CNOT1: variants seen among roughly 807,000 people sequenced by gnomAD.
The protein encoded by CNOT1 is CCR4-NOT transcription complex subunit 1.
A neutral mutation model predicts 273.8 loss-of-function variants in CNOT1; 15 were observed. The observed-to-expected ratio is 0.05, with a 90% CI of 0.04 to 0.08. CNOT1 has a LOEUF of 0.08. Among genes scored for constraint, CNOT1 ranks in the 10% least tolerant of loss-of-function variants. The pLI, the probability that CNOT1 is intolerant of heterozygous loss-of-function variation, is 1.00. For missense variants in CNOT1, 1,644 were observed against 2,912.2 expected (o/e 0.56, Z 10.02); for synonymous variants, 1,022 against 1,005.5 (o/e 1.02, Z -0.31).
In CNOT1 at chr16:58,521,474, C is replaced by G. The variant is rs193294741; in HGVS notation, c.6918-157G>C. ...AGGTGGATTAATATACTCCAAATAGCACAGGTTGGAATACCTGGGTTTGAA... is the reference window on the plus strand; with the variant it reads ...AGGTGGATTAATATACTCCAAATAGGACAGGTTGGAATACCTGGGTTTGAA... On this transcript the variant is annotated intron_variant, in intron 47 of 48. Transcript: ENST00000317147. Among the ~76,000 whole-genome samples, 5 of 152,262 alleles carry G rather than the reference C, an allele frequency of 3.3e-5. No homozygotes were observed. In the East Asian group the frequency reaches 7.7e-4, roughly 23 times the overall value.
intron 1 of CNOT1, among the ~76,000 whole-genome samples, chr16:58,622,231 G>A (rs942642632): frequency 1.4e-5 from 2 of 147,800 alleles, no homozygotes; most frequent in South Asian, 4.4e-4. Context: ...GGAGAATGGC[G>A]TGAACCCGGG....
chr16:58,587,769 G>C lies in CNOT1; in HGVS notation c.309+11C>G. 6.2e-7 allele frequency: 1 copy of C among 1,612,748 alleles called. No homozygotes were observed. Among genetic ancestry groups the C allele is most frequent in the East Asian group, 2.2e-5 (1 of 44,850 alleles). On this transcript the variant is annotated intron_variant, in intron 4 of 48. Coordinates refer to ENST00000317147, the MANE Select transcript of CNOT1 (RefSeq NM_016284.5). ...AGAGATCACACTCTTAAAGATAATA[G>C]TAATACCAACCTTCTGATAGTGCAA...
chr16:58,536,885 AG>A, intron 39 of CNOT1, 103 bp downstream of exon 39: 1 of 1,485,848 alleles, frequency 6.7e-7, no homozygotes, highest in Non-Finnish European at 9.0e-7. Context: ...ATGAGTATGG[AG>A]GTAACTGTCT....
At position 58,530,235 on chromosome 16, in the gene CNOT1, A is replaced by C; in HGVS notation, c.6279+11T>G. 1 of 1,566,748 alleles carries C rather than the reference A, an allele frequency of 6.4e-7. No homozygotes were observed. The highest frequency in any genetic ancestry group is 8.7e-7 in the Non-Finnish European group (1 of 1,147,202). On this transcript the variant is annotated intron_variant, in intron 43 of 48. Transcript: ENST00000317147. ...AGTTATTTTAATTTATAATAAATCC[A>C]AGTTAATTACCTTGTAGAGGATTTG...
intron 18 of CNOT1, among the ~76,000 whole-genome samples, chr16:58,558,149 A>G (rs1428310624): frequency 6.6e-6 from 1 of 152,230 alleles, no homozygotes; most frequent in Non-Finnish European, 1.5e-5. Context: ...ACCTGAATTC[A>G]TAAAGCTGTG....
chr16:58,611,716 G>A (rs544377372), intron 1 of CNOT1, among the ~76,000 whole-genome samples: 20 of 151,714 alleles, frequency 1.3e-4, no homozygotes, highest in African/African-American at 4.8e-4. Flanking sequence ...AGCTACTCAG[G>A]AGGCTGAGGC....
Position 58,560,308 on chromosome 16 carries a change from A to G in CNOT1, c.2034T>C (p.Ser678=). Reference sequence around the variant, plus strand: ...GTTGTCTGGCCTTATTCATAACATTACTGCAATTGGCTACCATGGTGAGGA... The same window carrying G: ...GTTGTCTGGCCTTATTCATAACATTGCTGCAATTGGCTACCATGGTGAGGA... ...ETILTMVANC[S]NVMNKARQPP... is the part of the protein sequence containing the mutation. Residue 678 remains serine, a synonymous_variant, in exon 17 of 49, where the codon AGT becomes AGC. Coordinates refer to ENST00000317147, the MANE Select transcript of CNOT1 (RefSeq NM_016284.5). 1 of 1,614,180 alleles carries G rather than the reference A, an allele frequency of 6.2e-7. No homozygotes were observed. Among genetic ancestry groups the G allele is most frequent in the Non-Finnish European group, 8.5e-7 (1 of 1,180,024 alleles).
chr16:58,615,180 T>C (rs1567446145), intron 1 of CNOT1, among the ~76,000 whole-genome samples: 1 of 125,244 alleles, frequency 8.0e-6, no homozygotes, highest in African/African-American at 2.7e-5. Flanking sequence ...GTCTAGCACA[T>C]GGAGAATCCA....
chr16:58,628,655 A>C (rs1012882194), intron 1 of CNOT1, among the ~76,000 whole-genome samples: 1 of 151,926 alleles, frequency 6.6e-6, no homozygotes, highest in Non-Finnish European at 1.5e-5. Flanking sequence ...AGAAATCGGC[A>C]GGGTAGGTTA....
At chr16:58,528,356 T>G in intron 44 of CNOT1, 119 bp downstream of exon 44, 1 of 747,542 alleles carries the variant, frequency 1.3e-6, no homozygotes, top group Non-Finnish European at 2.4e-6. Flanking sequence ...CTTTAAAGAG[T>G]ACCCTTAACT....
intron 43 of CNOT1, among the ~76,000 whole-genome samples, chr16:58,529,406 CAA>C (rs1477124458): frequency 1.3e-5 from 2 of 151,864 alleles, no homozygotes; most frequent in Non-Finnish European, 2.9e-5. Context: ...TATATAGTAA[CAA>C]CAAAGGGCTT....
intron 16 of CNOT1, among the ~76,000 whole-genome samples, chr16:58,569,603 G>A (rs924716156): frequency 2.7e-5 from 4 of 148,254 alleles, no homozygotes; most frequent in Non-Finnish European, 4.4e-5. Flanking sequence ...TACAGTAACT[G>A]TAATAAAGTT....
intron 13 of CNOT1, among the ~76,000 whole-genome samples, chr16:58,577,919 A>G (rs915054814): frequency 3.3e-5 from 5 of 152,154 alleles, no homozygotes; most frequent in African/African-American, 4.8e-5. Context: ...AATACATTCT[A>G]CAAAATTAGA....
At chr16:58,587,932 CAG>C (rs2041928637) in intron 3 of CNOT1, 54 bp from the exon 4 acceptor site, 2 of 1,521,504 alleles carry the variant, frequency 1.3e-6, no homozygotes, top group Non-Finnish European at 1.8e-6. Flanking sequence ...TAAGAACAAA[CAG>C]AAGCTGAGGT....
At chr16:58,529,776 G>T (rs922566507) in intron 43 of CNOT1, among the ~76,000 whole-genome samples, 7 of 146,612 alleles carry the variant, frequency 4.8e-5, no homozygotes, top group Admixed American at 2.1e-4. Flanking sequence ...GGGAGGTGGA[G>T]GTTGCAGTAA....
chr16:58,520,739 G>A lies in CNOT1; in HGVS notation c.*219C>T. ...ACACAAGTTCAAAATGATATTCACA[G>A]CATCTTCTAAATTTTGGCCAAGAGT... On this transcript the variant is annotated 3_prime_UTR_variant, in exon 49 of 49. Transcript: ENST00000317147. 3.5e-6 allele frequency: 2 copies of A among 566,758 alleles called. No homozygotes were observed. Among genetic ancestry groups the A allele is most frequent in the Admixed American group, 3.0e-5 (1 of 33,130 alleles). The allele number at this position is 566,758 out of a possible 1,614,324, so 35.1% of individuals were successfully genotyped here.
chr16:58,551,653 G>T lies in CNOT1; in HGVS notation c.3137C>A (p.Thr1046Asn). 1 of 1,614,240 alleles carries T rather than the reference G, an allele frequency of 6.2e-7. No individual in the cohort carries two copies. The highest frequency in any genetic ancestry group is 2.2e-5 in the East Asian group (1 of 44,884). ...VSTMVTTSTT[T>N]TVAKTVTVTR... The stretch of plus-strand genomic sequence containing the variant: ...GACCGTAACCGTTTTAGCAACAGTG[G>T]TAGTTGTTGAGGTGGTTACCATAGT... The change falls in exon 23 of 49, where the codon ACC becomes AAC. Residue 1046 changes from threonine to asparagine, a missense_variant. Around this residue, in one of 13 missense-constraint regions of CNOT1, gnomAD observed 77 missense variants for 90.5 expected, o/e 0.85. Transcript: ENST00000317147.
chr16:58,560,014 T>TA (rs1456160936), intron 17 of CNOT1, 198 bp downstream of exon 17: 2 of 1,418,520 alleles, frequency 1.4e-6, no homozygotes, highest in Non-Finnish European at 9.6e-7. Flanking sequence ...TATTTCCTCT[T>TA]AGAGTCACGT....
chr16:58,521,467 C>T, intron 47 of CNOT1, 150 bp from the exon 48 acceptor site: 1 of 723,322 alleles, frequency 1.4e-6, no homozygotes, highest in Non-Finnish European at 2.2e-6. Context: ...TAATATACTC[C>T]AAATAGCACA....
Sources: gnomAD v4.1 joint callset for allele counts (sites outside exome capture counted in the v4.1 genomes callset) on GRCh38, gnomAD v4.1.1 for gene constraint, gnomAD v4.1.1 regional missense constraint, MANE v1.5 for transcripts, NCBI Gene and HGNC (gene_info 2026-07-23, HGNC 2026-07-21) for gene names.